CDX1: variants seen among roughly 807,000 people sequenced by gnomAD.
CDX1 encodes the protein homeobox protein CDX-1.
In CDX1, 9 loss-of-function variants were observed where a neutral mutation model predicts 16.9. That is an observed-to-expected ratio of 0.53 (90% CI 0.32 to 0.93). CDX1 has a LOEUF of 0.93. Among genes scored for constraint, CDX1 ranks in the 40% least tolerant of loss-of-function variants. The probability of loss-of-function intolerance (pLI) is 0.04; values close to 1 mark genes in which losing one functional copy is unlikely to be tolerated. For missense variants in CDX1, 393 were observed against 386.1 expected, an observed-to-expected ratio of 1.02 and a Z score of -0.15; for synonymous variants, 179 against 179.0, an observed-to-expected ratio of 1.00 and a Z score of 0.00.
intron 1 of CDX1, among the ~76,000 whole-genome samples, chr5:150,182,023 C>T (rs746383785): frequency 1.4e-4 from 22 of 152,094 alleles, no homozygotes; most frequent in Non-Finnish European, 2.9e-4. Flanking sequence ...ACTGGCAGGT[C>T]CTAGGGGTCC....
chr5:150,181,296 C>G (rs1470749809), intron 1 of CDX1, among the ~76,000 whole-genome samples: 1 of 152,200 alleles, frequency 6.6e-6, no homozygotes, highest in Non-Finnish European at 1.5e-5. Flanking sequence ...GAGACGGAGT[C>G]TCACTCGATC....
intron 1 of CDX1, among the ~76,000 whole-genome samples, chr5:150,175,604 G>A (rs1199412397): frequency 2.0e-5 from 3 of 152,168 alleles, no homozygotes; most frequent in African/African-American, 4.8e-5. Context: ...ATTAGCAGCC[G>A]GGGACTGCCA....
intron 2 of CDX1, 97 bp from the exon 3 acceptor site, chr5:150,183,377 G>A (rs991587465): frequency 3.6e-6 from 4 of 1,122,480 alleles, no homozygotes; most frequent in Non-Finnish European, 5.0e-6. Context: ...AAGCCACATG[G>A]AGAAATAGGG....
At chr5:150,181,341 C>T (rs1309839026) in intron 1 of CDX1, among the ~76,000 whole-genome samples, 1 of 152,208 alleles carries the variant, frequency 6.6e-6, no homozygotes, top group African/African-American at 2.4e-5. Flanking sequence ...AATCCTGGCT[C>T]ACCACAACCT....
intron 1 of CDX1, among the ~76,000 whole-genome samples, chr5:150,169,872 A>G (rs1761481203): frequency 6.6e-6 from 1 of 150,960 alleles, no homozygotes; most frequent in South Asian, 2.1e-4. Context: ...GAGGGAACCA[A>G]GGTACAGAGA....
chr5:150,167,656 C>G (rs1156866155), intron 1 of CDX1, among the ~76,000 whole-genome samples: 1 of 152,260 alleles, frequency 6.6e-6, no homozygotes, highest in East Asian at 1.9e-4. Context: ...GCAACACCGA[C>G]TCCGTGCTCT....
intron 1 of CDX1, among the ~76,000 whole-genome samples, chr5:150,180,684 G>A (rs1394590287): frequency 2.6e-5 from 4 of 152,142 alleles, no homozygotes; most frequent in South Asian, 2.1e-4. Flanking sequence ...TGGTGGGAGC[G>A]TGTGCGGGTC....
At chr5:150,183,052 A>T in intron 2 of CDX1, 139 bp downstream of exon 2, 1 of 1,053,260 alleles carries the variant, frequency 9.5e-7, no homozygotes, top group Non-Finnish European at 1.3e-6. Flanking sequence ...CACAGCAGAA[A>T]CTGAGGTGCT....
rs1261268076 is a variant in CDX1, at chr5:150,167,045, C to A, written c.169C>A (p.Pro57Thr). 2 of 1,431,100 alleles carry A rather than the reference C, an allele frequency of 1.4e-6. No individual in the cohort carries two copies. The highest frequency in any genetic ancestry group is 3.1e-5 in the East Asian group (1 of 32,566). The allele number at this position is 1,431,100 out of a possible 1,614,324, so 88.7% of individuals were successfully genotyped here. ...CTCTCACGTGGAGCCGGCCCCCGCG[C>A]CCCCGACGGCCTGGGGGGCGCCCTT... ...SYSHVEPAPA[P>T]PTAWGAPFPA... is the part of the protein sequence containing the mutation. The change falls in exon 1 of 3, where the codon CCC becomes ACC. Residue 57 changes from proline to threonine, a missense_variant. Transcript: ENST00000231656.
chr5:150,169,774 A>G (rs541390599), intron 1 of CDX1, among the ~76,000 whole-genome samples: 12 of 152,226 alleles, frequency 7.9e-5, no homozygotes, highest in Admixed American at 6.5e-4. Flanking sequence ...CCTGCCACCA[A>G]TCCTGGCTAG....
At chr5:150,181,272 TG>T (rs1394624685) in intron 1 of CDX1, among the ~76,000 whole-genome samples, 1 of 152,182 alleles carries the variant, frequency 6.6e-6, no homozygotes, top group East Asian at 1.9e-4. Flanking sequence ...CTCTTTTTTT[TG>T]TTTATTTTTC....
chr5:150,179,500 C>T (rs776040558), intron 1 of CDX1, among the ~76,000 whole-genome samples: 4 of 152,242 alleles, frequency 2.6e-5, no homozygotes, highest in Non-Finnish European at 5.9e-5. Flanking sequence ...CATGACCAGT[C>T]AGGACAGCCC....
chr5:150,172,559 GAC>G (rs2113949542), intron 1 of CDX1, among the ~76,000 whole-genome samples: 1 of 152,274 alleles, frequency 6.6e-6, no homozygotes. Context: ...GTGAAATAAA[GAC>G]ACACTCACGA....
chr5:150,170,720 G>T (rs1211957605), intron 1 of CDX1, among the ~76,000 whole-genome samples: 2 of 152,134 alleles, frequency 1.3e-5, no homozygotes, highest in African/African-American at 4.8e-5. Context: ...TTCTAAGGAG[G>T]GGGCAGTGAC....
intron 1 of CDX1, among the ~76,000 whole-genome samples, chr5:150,175,837 C>T (rs571310707): frequency 7.5e-4 from 114 of 152,326 alleles, no homozygotes; most frequent in Non-Finnish European, 1.4e-3. Context: ...CCCTATGGCT[C>T]CCCATTAGGC....
chr5:150,173,548 T>C (rs564810881), intron 1 of CDX1, among the ~76,000 whole-genome samples: 1 of 152,340 alleles, frequency 6.6e-6, no homozygotes, highest in Non-Finnish European at 1.5e-5. Flanking sequence ...AGCTCATTGC[T>C]CACTTTCCTT....
chr5:150,182,143 C>T (rs1252433694), intron 1 of CDX1, among the ~76,000 whole-genome samples: 3 of 152,238 alleles, frequency 2.0e-5, no homozygotes, highest in Admixed American at 2.0e-4. Flanking sequence ...GCTTCCACCT[C>T]TACCTGTGGT....
At chr5:150,169,002 T>C (rs1408323451) in intron 1 of CDX1, among the ~76,000 whole-genome samples, 2 of 152,182 alleles carry the variant, frequency 1.3e-5, no homozygotes, top group African/African-American at 4.8e-5. Context: ...GCAGCACCAG[T>C]GCTCAGGATC....
intron 2 of CDX1, 70 bp downstream of exon 2, chr5:150,182,983 G>A: frequency 4.6e-6 from 7 of 1,507,570 alleles, no homozygotes; most frequent in Non-Finnish European, 6.2e-6. Context: ...GCCAGGCAGA[G>A]TACAGAGCTC....
Sources: allele counts gnomAD v4.1 joint callset (sites outside exome capture counted in the v4.1 genomes callset), GRCh38; gene constraint gnomAD v4.1.1; transcripts MANE v1.5; gene names NCBI Gene and HGNC (gene_info 2026-07-23, HGNC 2026-07-21).